HERC1: variants seen among roughly 807,000 people sequenced by gnomAD.
The protein encoded by HERC1 is probable E3 ubiquitin-protein ligase HERC1.
A neutral mutation model predicts 554.3 loss-of-function variants in HERC1; 160 were observed. That is an observed-to-expected ratio of 0.29 (90% CI 0.25 to 0.33). HERC1 has a LOEUF of 0.33. HERC1 is among the 10% of genes least tolerant of loss of function. The pLI is 1.00. For missense variants in HERC1, 4,919 were observed against 5,918.5 expected (o/e 0.83, Z 5.54); for synonymous variants, 2,175 against 2,131.7 (o/e 1.02, Z -0.56).
chr15:63,744,164 G>GTCTCTCTCTCTC (rs71464534), intron 12 of HERC1, among the ~76,000 whole-genome samples: 1 of 46,220 alleles, frequency 2.2e-5, no homozygotes, highest in Non-Finnish European at 5.3e-5. Context: ...GTGTGTGTGT[G>GTCTCTCTCTCTC]TCTCTCTCTC....
At chr15:63,648,220 G>C (rs548545307) in intron 54 of HERC1, 21 bp from the exon 55 acceptor site, 3 of 1,586,592 alleles carry the variant, frequency 1.9e-6, no homozygotes, top group African/African-American at 2.7e-5. Context: ...CAAAACAAAA[G>C]AGTAAGGAAA....
intron 19 of HERC1, 56 bp downstream of exon 19, chr15:63,723,126 T>C: frequency 1.8e-6 from 2 of 1,127,222 alleles, no homozygotes; most frequent in Non-Finnish European, 2.3e-6. Flanking sequence ...TGCATATATA[T>C]TTGCGAGCAT....
intron 77 of HERC1, among the ~76,000 whole-genome samples, chr15:63,609,585 G>A (rs2067500139): frequency 1.3e-5 from 2 of 152,194 alleles, no homozygotes; most frequent in Admixed American, 1.3e-4. Flanking sequence ...TGAGAGTGTA[G>A]TAAGAGGGCA....
At chr15:63,685,269 A>G (rs2153016647) in intron 34 of HERC1, among the ~76,000 whole-genome samples, 1 of 152,386 alleles carries the variant, frequency 6.6e-6, no homozygotes, top group South Asian at 2.1e-4. Flanking sequence ...CCAAGACTCA[A>G]CTTAATTATT....
At position 63,656,270 on chromosome 15, in the gene HERC1, C is replaced by A. The variant is rs773613449; in HGVS notation, c.9688G>T (p.Ala3230Ser). 8.1e-6 allele frequency: 13 copies of A among 1,613,832 alleles called. No individual in the cohort carries two copies. The highest frequency in any genetic ancestry group is 1.1e-5 in the Non-Finnish European group (13 of 1,179,864). The change falls in exon 49 of 78, where the codon GCA becomes TCA. Residue 3230 changes from alanine to serine, a missense_variant. This residue lies in a region of HERC1 where 1,963 missense variants were observed against 2,228.6 expected (regional missense o/e 0.88). Coordinates refer to ENST00000443617, the MANE Select transcript of HERC1 (RefSeq NM_003922.4). ...TLVRLMCLAAAGRAGLSTSPS... is the reference protein window; with the variant it reads ...TLVRLMCLAASGRAGLSTSPS... ...CTGGTGGAGAGGCCAGCTCTCCCTG[C>A]TGCTGCCAAGCACATTAATCGAACT...
intron 1 of HERC1, among the ~76,000 whole-genome samples, chr15:63,821,318 G>C (rs907667743): frequency 8.6e-5 from 13 of 151,954 alleles, no homozygotes; most frequent in African/African-American, 3.1e-4. Context: ...ACTTTAGGAG[G>C]CTGAGGCGGG....
At chr15:63,611,937 C>A (rs1391309739) in intron 77 of HERC1, among the ~76,000 whole-genome samples, 1 of 152,228 alleles carries the variant, frequency 6.6e-6, no homozygotes, top group Non-Finnish European at 1.5e-5. Flanking sequence ...GTAATCCCAG[C>A]ACTTTGGGAG....
chr15:63,611,483 G>C (rs1310347088), intron 77 of HERC1, among the ~76,000 whole-genome samples: 1 of 152,250 alleles, frequency 6.6e-6, no homozygotes, highest in Non-Finnish European at 1.5e-5. Flanking sequence ...TCAGATGGCA[G>C]AGATGCAGCC....
intron 1 of HERC1, among the ~76,000 whole-genome samples, chr15:63,820,046 G>T (rs78515517): frequency 1.3e-5 from 2 of 152,108 alleles, no homozygotes; most frequent in Non-Finnish European, 2.9e-5. Context: ...AAATTAGCTA[G>T]ATTTAGTCAT....
At chr15:63,799,570 G>A (rs1049384935) in intron 1 of HERC1, among the ~76,000 whole-genome samples, 9 of 151,962 alleles carry the variant, frequency 5.9e-5, no homozygotes, top group Non-Finnish European at 8.8e-5. Context: ...AGGAGGCAAT[G>A]ATCTACAAAA....
intron 1 of HERC1, among the ~76,000 whole-genome samples, chr15:63,791,198 A>C (rs1468871313): frequency 6.6e-6 from 1 of 152,198 alleles, no homozygotes; most frequent in Non-Finnish European, 1.5e-5. Context: ...AGATAGTTTT[A>C]CTTAATAACT....
At chr15:63,715,839 C>T (rs1447999188) in intron 22 of HERC1, among the ~76,000 whole-genome samples, 1 of 152,112 alleles carries the variant, frequency 6.6e-6, no homozygotes, top group South Asian at 2.1e-4. Flanking sequence ...ATTCTTGCTC[C>T]CTATCGAAAC....
chr15:63,770,317 C>G (rs2075912675), intron 2 of HERC1, among the ~76,000 whole-genome samples: 1 of 152,206 alleles, frequency 6.6e-6, no homozygotes. Flanking sequence ...CTCCCGCCCT[C>G]TTCTTTCATC....
chr15:63,777,265 T>C (rs368992922), intron 1 of HERC1, among the ~76,000 whole-genome samples: 3 of 152,210 alleles, frequency 2.0e-5, no homozygotes, highest in East Asian at 3.8e-4. Context: ...AAGTTTATGA[T>C]TACTATGCTT....
intron 17 of HERC1, among the ~76,000 whole-genome samples, chr15:63,726,333 C>T (rs2074039196): frequency 6.6e-6 from 1 of 151,734 alleles, no homozygotes; most frequent in South Asian, 2.1e-4. Context: ...CTTGACTTCA[C>T]GAAATGACAG....
At position 63,656,189 on chromosome 15, in the gene HERC1, T is replaced by G; in HGVS notation, c.9769A>C (p.Asn3257His). Residue 3257 changes from asparagine to histidine, a missense_variant, in exon 49 of 78, where the codon AAC becomes CAC. Around this residue, in one of 11 missense-constraint regions of HERC1, gnomAD observed 1,963 missense variants for 2,228.6 expected, o/e 0.88. Coordinates refer to ENST00000443617, the MANE Select transcript of HERC1 (RefSeq NM_003922.4). ...ERSRGGHSKA[N>H]KPISCLAYLS... The stretch of plus-strand genomic sequence containing the variant: ...TAGGCCAGGCAAGAGATAGGCTTGT[T>G]AGCCTTGCTATGCCCACCTCGTGAT... 1 of 1,612,856 alleles carries G rather than the reference T, an allele frequency of 6.2e-7. No homozygotes were observed. Among genetic ancestry groups the G allele is most frequent in the Non-Finnish European group, 8.5e-7 (1 of 1,179,406 alleles).
Position 63,764,117 on chromosome 15 carries a change from T to G in HERC1, c.1005A>C (p.Ala335=). ...TSDGLCSLYE[A]ALCLFEEVCR... ...GTACCTCTTCAAAGAGACATAATGC[T>G]GCCTCGTAAAGGGAGCACAAGCCAT... The change falls in exon 3 of 78, where the codon GCA becomes GCC. Residue 335 remains alanine (A), a synonymous_variant. Transcript: ENST00000443617. The G allele has an allele frequency of 6.2e-7, 1 of 1,609,526 alleles. No individual in the cohort carries two copies. The highest frequency in any genetic ancestry group is 8.5e-7 in the Non-Finnish European group (1 of 1,177,854).
At chr15:63,622,587 C>T (rs1036175172) in intron 74 of HERC1, among the ~76,000 whole-genome samples, 1 of 152,148 alleles carries the variant, frequency 6.6e-6, no homozygotes, top group African/African-American at 2.4e-5. Context: ...CCCGCCTCAG[C>T]CTCCCAAAGT....
rs765700218 is a variant in HERC1, at chr15:63,756,554, G to C, written c.1416C>G (p.Ala472=). The stretch of plus-strand genomic sequence containing the variant: ...TGAAGACTTCTCCTTCTGTCGTAAA[G>C]GCTAAAGTGTGACCATCAGATCCTT... ...SSKGSDGHTL[A]FTTEGEVFSW... Residue 472 remains alanine (A), a synonymous_variant, in exon 5 of 78, where the codon GCC becomes GCG. Transcript: ENST00000443617. This position sits in a 1 kb window ranked among gnomAD's most constrained non-coding sequence, Gnocchi z 5.0. The C allele has an allele frequency of 5.6e-6, 9 of 1,613,742 alleles. No homozygotes were observed. Among genetic ancestry groups the C allele is most frequent in the African/African-American group, 1.3e-5 (1 of 74,920 alleles).
Sources: allele counts gnomAD v4.1 joint callset (sites outside exome capture counted in the v4.1 genomes callset), GRCh38; gene constraint gnomAD v4.1.1; regional missense constraint gnomAD v4.1.1; non-coding constraint Gnocchi (gnomAD v3.1); transcripts MANE v1.5; gene names NCBI Gene and HGNC (gene_info 2026-07-23, HGNC 2026-07-21).